PEX16: variants seen among roughly 807,000 people sequenced by gnomAD.
PEX16 encodes the protein peroxin 16.
PEX16 carries 37 observed loss-of-function variants against 50.5 expected under a neutral mutation model. That is an observed-to-expected ratio of 0.73 (90% CI 0.56 to 0.96). The LOEUF (loss-of-function observed/expected upper bound fraction) is 0.96. Among genes scored for constraint, PEX16 ranks in the 40% least tolerant of loss-of-function variants. The pLI, the probability that PEX16 is intolerant of heterozygous loss-of-function variation, is 0.00. For synonymous variants in PEX16, 185 were observed against 190.3 expected (o/e 0.97, Z 0.23); for missense variants, 401 against 438.3 (o/e 0.91, Z 0.76).
intron 10 of PEX16, among the ~76,000 whole-genome samples, chr11:45,910,566 G>A (rs929608156): frequency 5.9e-5 from 9 of 152,226 alleles, no homozygotes; most frequent in African/African-American, 2.2e-4. Flanking sequence ...GGCCTCTGCT[G>A]AGGGAGGATC....
chr11:45,915,938 C>A (rs2086829814), intron 3 of PEX16, 102 bp from the exon 4 acceptor site: 1 of 1,168,740 alleles, frequency 8.6e-7, no homozygotes. Context: ...TGTGGACCTT[C>A]CCCTTTCCAA....
upstream of PEX16, chr11:45,918,297 A>C (rs78791032): frequency 0.024 from 5,701 of 234,590 alleles, 248 homozygotes; most frequent in African/African-American, 0.091. Flanking sequence ...TGCTTGAAAA[A>C]AGGAGCCTCG....
chr11:45,917,743 G>A lies in PEX16; in HGVS notation c.69C>T (p.Ala23=). 3.9e-6 allele frequency: 6 copies of A among 1,558,294 alleles called. No homozygotes were observed. The highest frequency in any genetic ancestry group is 5.2e-6 in the Non-Finnish European group (6 of 1,151,824). ...AGCCCCGCACTGCTGTCTCCAGCTG[G>A]GCCGTGGCGGCCGGGTGACGAGTCA... ...EYVTRHPAAT[A]QLETAVRGFS... is the part of the protein sequence containing the mutation. Residue 23 remains alanine (A), a synonymous_variant, in exon 1 of 11, where the codon GCC becomes GCT. Transcript: ENST00000378750.
upstream of PEX16, chr11:45,917,967 C>G (rs2086858536): frequency 1.4e-6 from 1 of 695,516 alleles, no homozygotes; most frequent in Non-Finnish European, 2.6e-6. Flanking sequence ...AACCGGTGAA[C>G]CACCCTTCAC....
In PEX16 at chr11:45,917,406, C is replaced by G. The variant is rs2086848290; in HGVS notation, c.148+52G>C. On this transcript the variant is annotated intron_variant, in intron 2 of 10. Transcript: ENST00000378750. ...GTGCTCACCCTCTCTGGGGAACTCA[C>G]CAGGGGCCAGGCAGCCGATCCCCCA... The G allele has an allele frequency of 3.2e-6, 5 of 1,583,444 alleles. No homozygotes were observed. The Admixed American group carries it at 5.0e-5, about 16-fold the overall frequency.
chr11:45,915,949 G>A, intron 3 of PEX16, 113 bp from the exon 4 acceptor site: 1 of 1,066,698 alleles, frequency 9.4e-7, no homozygotes, highest in Non-Finnish European at 1.4e-6. Context: ...CCCTTTCCAA[G>A]CCTAACTGTG....
chr11:45,914,684 T>G lies in PEX16; in HGVS notation c.461A>C (p.Asp154Ala). The G allele has an allele frequency of 6.2e-7, 1 of 1,613,784 alleles. No homozygotes were observed. The highest frequency in any genetic ancestry group is 1.1e-5 in the South Asian group (1 of 91,076). Residue 154 changes from aspartate (D) to alanine (A), a missense_variant and splice_region_variant, in exon 6 of 11, where the codon GAT becomes GCT. Physicochemically the swap from Asp to Ala is moderately radical, Grantham distance 126. Coordinates refer to ENST00000378750, the MANE Select transcript of PEX16 (RefSeq NM_004813.4). ...ATGGTTGCCAGGGCTGTGGTCACCA[T>G]CTAGCAGGGATAGACAGAAGGCCAT... Reference protein sequence around the residue: ...LDRETQAQPPDGDHSPGNHEQ... With the variant: ...LDRETQAQPPAGDHSPGNHEQ...
Position 45,915,507 on chromosome 11 carries a change from T to C in PEX16, c.421A>G (p.Ile141Val), listed in dbSNP as rs761426585. 5.6e-5 allele frequency: 90 copies of C among 1,613,978 alleles called. No individual in the cohort carries two copies. The highest frequency in any genetic ancestry group is 1.6e-4 in the Middle Eastern group (1 of 6,084). Residue 141 changes from isoleucine (I) to valine (V), a missense_variant, in exon 5 of 11, where the codon ATC becomes GTC. Coordinates refer to ENST00000378750, the MANE Select transcript of PEX16 (RefSeq NM_004813.4). ...TGGGTCTCTCTGTCCAGTGGAACGA[T>C]AGGGGGTGAAGTCTGGAGGCCAGCC... The part of the protein sequence containing the change: ...FKAGLQTSPP[I>V]VPLDRETQAQ...
chr11:45,910,826 G>T, intron 10 of PEX16, 72 bp downstream of exon 10: 1 of 1,275,998 alleles, frequency 7.8e-7, no homozygotes, highest in Non-Finnish European at 1.1e-6. Context: ...CAAGGAGACA[G>T]AGGAGTCAGG....
At chr11:45,911,296 T>A (rs768759150) in intron 9 of PEX16, among the ~76,000 whole-genome samples, 1 of 151,458 alleles carries the variant, frequency 6.6e-6, no homozygotes, top group African/African-American at 2.4e-5. Flanking sequence ...TGGTGGAGGG[T>A]CCAGGGAGGA....
chr11:45,917,318 A>G, intron 2 of PEX16, 140 bp downstream of exon 2: 1 of 763,050 alleles, frequency 1.3e-6, no homozygotes, highest in Non-Finnish European at 2.3e-6. Context: ...TGAACAACAG[A>G]CCTTGTGCCG....
Position 45,909,945 on chromosome 11 carries a change from C to T in PEX16, c.*309G>A, listed in dbSNP as rs886048325. The T allele has an allele frequency of 1.6e-5, 12 of 751,286 alleles. No individual in the cohort carries two copies. Among genetic ancestry groups the T allele is most frequent in the African/African-American group, 5.1e-5 (3 of 58,422 alleles). The allele number at this position is 751,286 out of a possible 1,614,324, so 46.5% of individuals were successfully genotyped here. On this transcript the variant is annotated 3_prime_UTR_variant, in exon 11 of 11. Transcript: ENST00000378750. ...CAGCAGTGTTCGCTCCTATGGCTGCCGAGGCGAGCAGCTTCCCGGGCTCCA... is the reference window on the plus strand; with the variant it reads ...CAGCAGTGTTCGCTCCTATGGCTGCTGAGGCGAGCAGCTTCCCGGGCTCCA...
At chr11:45,917,082 G>T (rs1362119141) in intron 2 of PEX16, 1 of 552,044 alleles carries the variant, frequency 1.8e-6, no homozygotes. Flanking sequence ...GGGAGATCTA[G>T]ACTTGAATCT....
Position 45,909,993 on chromosome 11 carries a change from G to A in PEX16, c.*261C>T. 8.7e-7 allele frequency: 1 copy of A among 1,153,556 alleles called. No individual in the cohort carries two copies. The allele number at this position is 1,153,556 out of a possible 1,614,324, so 71.5% of individuals were successfully genotyped here. A position where few individuals can be genotyped will look rare whatever the true frequency, so the allele number is the denominator to read the frequency against. ...CCATGAGGTGAAGTCACCGCTTTCT[G>A]TGGGAGAGGAGCCTGGATCCCACTC... On this transcript the variant is annotated 3_prime_UTR_variant, in exon 11 of 11. Coordinates refer to ENST00000378750, the MANE Select transcript of PEX16 (RefSeq NM_004813.4).
At chr11:45,915,876 C>T in intron 3 of PEX16, 40 bp from the exon 4 acceptor site, 1 of 1,605,160 alleles carries the variant, frequency 6.2e-7, no homozygotes. Context: ...GGGCCTGGGA[C>T]TACAGGGAGT....
At chr11:45,914,531 C>T in intron 6 of PEX16, 63 bp from the exon 7 acceptor site, 2 of 1,611,224 alleles carry the variant, frequency 1.2e-6, no homozygotes, top group South Asian at 1.1e-5. Flanking sequence ...AAGGTGGCTG[C>T]TGACCAAAGC....
rs1031968916 is a variant in PEX16, at chr11:45,913,932, G to A, written c.774C>T (p.Ser258=). The A allele has an allele frequency of 7.4e-6, 12 of 1,612,398 alleles. No individual in the cohort carries two copies. Among genetic ancestry groups the A allele is most frequent in the Admixed American group, 1.7e-5 (1 of 60,002 alleles). The change falls in exon 9 of 11, where the codon AGC becomes AGT. Residue 258 remains serine (S), a synonymous_variant. Transcript: ENST00000378750. ...TCAGGCCCTTTCTGTCACTCAGGAG[G>A]CTCAGGCTGGGAGGCAGGGAGGACA... ...LAGVVDVTSL[S]LLSDRKGLTR...
At position 45,916,090 on chromosome 11, in the gene PEX16, A is replaced by T. The variant is rs1256708015; in HGVS notation, c.225+137T>A. On this transcript the variant is annotated intron_variant, in intron 3 of 10. Transcript: ENST00000378750. ...ATACTCACACTTTACAGGTCACCTA[A>T]TGAGATGGTTTGAGGCTCAGATGGA... 5 of 807,000 alleles carry T rather than the reference A, an allele frequency of 6.2e-6. No homozygotes were observed. In the East Asian group the frequency reaches 1.2e-4, roughly 20 times the overall value. 50.0% of individuals were successfully genotyped at this position (807,000 alleles called of 1,614,324 possible).
intron 9 of PEX16, among the ~76,000 whole-genome samples, chr11:45,912,565 G>A (rs572368284): frequency 2.6e-5 from 4 of 152,164 alleles, no homozygotes; most frequent in Non-Finnish European, 5.9e-5. Flanking sequence ...GTGCAGTCGC[G>A]CGATCTCGAC....
Sources: allele counts gnomAD v4.1 joint callset (sites outside exome capture counted in the v4.1 genomes callset), GRCh38; gene constraint gnomAD v4.1.1; transcripts MANE v1.5; gene names NCBI Gene and HGNC (gene_info 2026-07-23, HGNC 2026-07-21).